SCARB1: variants seen among roughly 807,000 people sequenced by gnomAD.
SCARB1 encodes the protein scavenger receptor class B member 1.
SCARB1 carries 30 observed loss-of-function variants against 57.2 expected under a neutral mutation model. That is an observed-to-expected ratio of 0.52 (90% CI 0.39 to 0.71). SCARB1 has a LOEUF of 0.71. Ranked by LOEUF, SCARB1 falls within the 30% of genes least tolerant of loss-of-function variation. The pLI, the probability that SCARB1 is intolerant of heterozygous loss-of-function variation, is 0.00. For missense variants in SCARB1, 543 were observed against 671.2 expected, an observed-to-expected ratio of 0.81 and a Z score of 2.11; for synonymous variants, 249 against 268.3, an observed-to-expected ratio of 0.93 and a Z score of 0.70.
chr12:124,825,885 C>T (rs1286712294), intron 1 of SCARB1, among the ~76,000 whole-genome samples: 1 of 152,120 alleles, frequency 6.6e-6, no homozygotes, highest in Non-Finnish European at 1.5e-5. Context: ...TTGAATGGTG[C>T]TTACGGGGCG....
At chr12:124,842,587 T>C (rs1326209792) in intron 1 of SCARB1, among the ~76,000 whole-genome samples, 1 of 152,178 alleles carries the variant, frequency 6.6e-6, no homozygotes, top group African/African-American at 2.4e-5. Flanking sequence ...AGCCACAGAT[T>C]ACAGCTGTCA....
rs140920234 is a variant in SCARB1, at chr12:124,814,997, G to A, written c.402C>T (p.Ile134=). Residue 134 remains isoleucine (I), a synonymous_variant, in exon 3 of 13, where the codon ATC becomes ATT. Transcript: ENST00000261693. This position sits in a 1 kb window ranked among gnomAD's most constrained non-coding sequence, Gnocchi z 4.7. ...CCAAGACCAGGATGTTGGGCATGACGATGTAGTCGCTCTCCGAGCCGTGGG... is the reference window on the plus strand; with the variant it reads ...CCAAGACCAGGATGTTGGGCATGACAATGTAGTCGCTCTCCGAGCCGTGGG... The part of the protein sequence containing the change: ...SKSHGSESDY[I]VMPNILVLGA... The A allele has an allele frequency of 3.1e-6, 5 of 1,614,210 alleles. No individual in the cohort carries two copies. Among genetic ancestry groups the A allele is most frequent in the East Asian group, 4.5e-5 (2 of 44,872 alleles).
intron 7 of SCARB1, among the ~76,000 whole-genome samples, chr12:124,805,089 G>T (rs1318539740): frequency 6.6e-6 from 1 of 152,040 alleles, no homozygotes; most frequent in Non-Finnish European, 1.5e-5. Flanking sequence ...CAGTCCATGA[G>T]TTCAGGGAGC....
intron 6 of SCARB1, among the ~76,000 whole-genome samples, chr12:124,809,532 G>A (rs1950448079): frequency 6.6e-6 from 1 of 152,212 alleles, no homozygotes; most frequent in Admixed American, 6.5e-5. Context: ...TGCCTGAGTT[G>A]CCCTGATAGG....
Position 124,814,379 on chromosome 12 carries a change from C to CT in SCARB1, c.452dup (p.Pro152AlafsTer27). 1 of 1,613,894 alleles carries CT rather than the reference C, an allele frequency of 6.2e-7. No homozygotes were observed. The highest frequency in any genetic ancestry group is 8.5e-7 in the Non-Finnish European group (1 of 1,180,026). On this transcript the variant is annotated frameshift_variant, in exon 4 of 13. Transcript: ENST00000261693. LOFTEE classifies it high-confidence loss of function. The surrounding 1 kb of genome is among the most constrained non-coding windows in gnomAD (Gnocchi z 4.7). ...TCATGATGAGCTTCAGGGTCATGGGCTTATTCTCCATCATCACCGCCGCAC... is the reference window on the plus strand; with the variant it reads ...TCATGATGAGCTTCAGGGTCATGGGCTTTATTCTCCATCATCACCGCCGCAC...
chr12:124,797,315 T>G (rs1292348880), intron 8 of SCARB1, among the ~76,000 whole-genome samples: 4 of 152,154 alleles, frequency 2.6e-5, no homozygotes, highest in Non-Finnish European at 4.4e-5. Flanking sequence ...CAGCGTCCTG[T>G]TGAGTCCCCC....
At chr12:124,828,888 A>G (rs148588887) in intron 1 of SCARB1, among the ~76,000 whole-genome samples, 2 of 152,292 alleles carry the variant, frequency 1.3e-5, no homozygotes, top group African/African-American at 4.8e-5. Flanking sequence ...GCCCAGACGA[A>G]GCCTAGTTCT....
At chr12:124,831,432 T>C (rs1951384406) in intron 1 of SCARB1, among the ~76,000 whole-genome samples, 1 of 152,156 alleles carries the variant, frequency 6.6e-6, no homozygotes, top group Non-Finnish European at 1.5e-5. Context: ...CAAAAAATTA[T>C]TGATCCAGGG....
rs952338756 is a variant in SCARB1 at position 124,796,230 on chromosome 12, C to A, written c.1129-962G>T. Among the ~76,000 whole-genome samples the A allele has an allele frequency of 6.6e-6, 1 of 152,184 alleles. No homozygotes were observed. Among genetic ancestry groups the A allele is most frequent in the African/African-American group, 2.4e-5 (1 of 41,448 alleles). Reference sequence around the variant, plus strand: ...TGGCCTCCCAAAGTGGGATTACAGGCGTGAGCCACCACACCCAGCCTATTT... The same window carrying A: ...TGGCCTCCCAAAGTGGGATTACAGGAGTGAGCCACCACACCCAGCCTATTT... On this transcript the variant is annotated intron_variant, in intron 8 of 12. Coordinates refer to ENST00000261693, the MANE Select transcript of SCARB1 (RefSeq NM_005505.5). The surrounding 1 kb of genome is among the most constrained non-coding windows in gnomAD (Gnocchi z 4.0).
At chr12:124,815,693 A>C (rs2003974) in intron 2 of SCARB1, among the ~76,000 whole-genome samples, 50,340 of 152,028 alleles carry the variant, frequency 0.33, 8,678 homozygotes, top group South Asian at 0.44. Flanking sequence ...TGGCGAAACC[A>C]CGTCTCTACT....
intron 11 of SCARB1, chr12:124,783,153 G>T (rs928591108): frequency 1.7e-5 from 5 of 298,230 alleles, no homozygotes; most frequent in Admixed American, 9.3e-5. Flanking sequence ...AATCAACGAG[G>T]AACAGATTGT....
intron 9 of SCARB1, among the ~76,000 whole-genome samples, chr12:124,790,133 G>C (rs565057447): frequency 6.6e-6 from 1 of 152,150 alleles, no homozygotes; most frequent in Non-Finnish European, 1.5e-5. Context: ...CCAGCACTTT[G>C]GGAGGCTGAG....
intron 7 of SCARB1, among the ~76,000 whole-genome samples, chr12:124,805,408 G>A (rs1316832957): frequency 3.3e-5 from 5 of 152,224 alleles, no homozygotes; most frequent in Non-Finnish European, 7.3e-5. Flanking sequence ...AACAGGGGAC[G>A]TGTAGGGAGA....
In SCARB1 at chr12:124,829,726, C is replaced by T. The variant is rs146152731; in HGVS notation, c.127-12019G>A. On this transcript the variant is annotated intron_variant, in intron 1 of 12. Coordinates refer to ENST00000261693, the MANE Select transcript of SCARB1 (RefSeq NM_005505.5). ...AAAGTCACTTTCTCCGTGAGACCTT[C>T]CCTGAGCAATTTTCAATCCCTTAAC... Among the ~76,000 whole-genome samples, 245 of 152,350 alleles carry T rather than the reference C, an allele frequency of 1.6e-3. 1 individual carries two copies. The highest frequency in any genetic ancestry group is 5.3e-4 in the Non-Finnish European group (36 of 68,040).
chr12:124,841,957 G>A (rs577770457), intron 1 of SCARB1, among the ~76,000 whole-genome samples: 78 of 152,282 alleles, frequency 5.1e-4, no homozygotes, highest in African/African-American at 1.8e-3. Flanking sequence ...CACTTGGCAC[G>A]AGACCTGGCC....
chr12:124,788,097 C>G (rs1949586677), intron 9 of SCARB1, among the ~76,000 whole-genome samples: 1 of 152,106 alleles, frequency 6.6e-6, no homozygotes, highest in Non-Finnish European at 1.5e-5. Flanking sequence ...CACTGGGGGT[C>G]TTGGAATATA....
chr12:124,808,927 CCAATTTCTT>C (rs1950419925), intron 6 of SCARB1, among the ~76,000 whole-genome samples: 1 of 151,976 alleles, frequency 6.6e-6, no homozygotes, highest in South Asian at 2.1e-4. Context: ...AATAATTTCA[CCAATTTCTT>C]GTTACTTGTA....
intron 1 of SCARB1, among the ~76,000 whole-genome samples, chr12:124,840,508 G>T (rs752819850): frequency 2.0e-5 from 3 of 152,082 alleles, no homozygotes; most frequent in African/African-American, 7.2e-5. Flanking sequence ...TGCTTGGTCC[G>T]TGTTTTAATG....
intron 1 of SCARB1, among the ~76,000 whole-genome samples, chr12:124,861,838 G>A (rs1335446784): frequency 6.6e-6 from 1 of 151,842 alleles, no homozygotes; most frequent in Admixed American, 6.6e-5. Flanking sequence ...AAGCCCAGGA[G>A]AGGAGTGGGG....
Sources: allele counts gnomAD v4.1 joint callset (sites outside exome capture counted in the v4.1 genomes callset), GRCh38; gene constraint gnomAD v4.1.1; non-coding constraint Gnocchi (gnomAD v3.1); transcripts MANE v1.5; gene names NCBI Gene and HGNC (gene_info 2026-07-23, HGNC 2026-07-21).